Variants in ASTN1 observed in about 807,000 individuals in gnomAD.
ASTN1 encodes the protein astrotactin-1.
ASTN1 carries 41 observed loss-of-function variants against 140.7 expected under a neutral mutation model. The observed-to-expected ratio is 0.29, with a 90% confidence interval of 0.23 to 0.38. The LOEUF (loss-of-function observed/expected upper bound fraction) is 0.38. ASTN1 is among the 10% of genes least tolerant of loss of function. The pLI, the probability that ASTN1 is intolerant of heterozygous loss-of-function variation, is 1.00. For synonymous variants in ASTN1, 640 were observed against 652.2 expected, an observed-to-expected ratio of 0.98 and a Z score of 0.29; for missense variants, 1,479 against 1,678.8, an observed-to-expected ratio of 0.88 and a Z score of 2.08.
At chr1:176,965,076 A>G (rs904671108) in intron 9 of ASTN1, 87 bp downstream of exon 9, 68 of 1,297,718 alleles carry the variant, frequency 5.2e-5, no homozygotes, top group Non-Finnish European at 7.0e-5. Flanking sequence ...CCTATTTTAT[A>G]CTTTACCAAC....
At chr1:176,874,645 T>C (rs1246046229) in intron 21 of ASTN1, among the ~76,000 whole-genome samples, 1 of 152,204 alleles carries the variant, frequency 6.6e-6, no homozygotes, top group Non-Finnish European at 1.5e-5. Context: ...GACTTCCTAG[T>C]AGACAGCAAG....
chr1:177,012,348 G>A (rs72720707), intron 8 of ASTN1, among the ~76,000 whole-genome samples: 9,519 of 152,146 alleles, frequency 0.063, 401 homozygotes, highest in Non-Finnish European at 0.082. Context: ...TTTGTCTGGC[G>A]CTTTTTTAAT....
At chr1:177,078,824 ATAACT>A (rs1679045393) in intron 1 of ASTN1, among the ~76,000 whole-genome samples, 1 of 152,188 alleles carries the variant, frequency 6.6e-6, no homozygotes, top group South Asian at 2.1e-4. Context: ...GCCCACTCAC[ATAACT>A]TAACAGTCAG....
chr1:176,880,992 T>C (rs903800445), intron 20 of ASTN1, among the ~76,000 whole-genome samples: 1 of 152,230 alleles, frequency 6.6e-6, no homozygotes, highest in Non-Finnish European at 1.5e-5. Flanking sequence ...AAAGTTTCAG[T>C]GTCTTGCTTA....
chr1:177,112,856 A>G (rs865949484), intron 1 of ASTN1, among the ~76,000 whole-genome samples: 17 of 151,976 alleles, frequency 1.1e-4, no homozygotes, highest in African/African-American at 3.9e-4. Flanking sequence ...TCTTCTCATT[A>G]ATTTTTTCCC....
At chr1:177,105,820 T>A (rs182498013) in intron 1 of ASTN1, among the ~76,000 whole-genome samples, 1 of 152,278 alleles carries the variant, frequency 6.6e-6, no homozygotes, top group Admixed American at 6.5e-5. Flanking sequence ...TCATGTCCAT[T>A]TCACTGTAAA....
chr1:177,054,409 A>G (rs1199407301), intron 2 of ASTN1, among the ~76,000 whole-genome samples: 1 of 152,116 alleles, frequency 6.6e-6, no homozygotes, highest in African/African-American at 2.4e-5. Flanking sequence ...CATCTCTATA[A>G]GTTAGGTCTT....
At chr1:176,882,799 C>A (rs16850299) in intron 20 of ASTN1, 60 bp downstream of exon 20, 2 of 1,599,436 alleles carry the variant, frequency 1.3e-6, no homozygotes, top group Non-Finnish European at 8.6e-7. Flanking sequence ...AAGAAGAAAC[C>A]GGTAAGAAGC....
intron 15 of ASTN1, chr1:176,935,980 C>A (rs1315159279): frequency 4.2e-6 from 2 of 473,356 alleles, no homozygotes; most frequent in Non-Finnish European, 7.8e-6. Context: ...ATCCTCTCCA[C>A]ATACTGGATG....
chr1:176,925,260 A>T (rs1670906854), intron 16 of ASTN1, among the ~76,000 whole-genome samples: 1 of 152,220 alleles, frequency 6.6e-6, no homozygotes, highest in South Asian at 2.1e-4. Context: ...CCATGGCTCC[A>T]GTGTCGAAGT....
At chr1:176,877,571 T>C (rs1369626617) in intron 20 of ASTN1, among the ~76,000 whole-genome samples, 2 of 152,182 alleles carry the variant, frequency 1.3e-5, no homozygotes, top group Non-Finnish European at 2.9e-5. Context: ...AATTTCCCCT[T>C]GGGTGATGGA....
intron 7 of ASTN1, 97 bp from the exon 8 acceptor site, chr1:177,014,972 T>C: frequency 1.1e-5 from 12 of 1,088,648 alleles, no homozygotes; most frequent in Non-Finnish European, 1.5e-5. Context: ...CAGGGTAAAC[T>C]CTTACTCTGA....
At chr1:177,087,652 C>T (rs1679543917) in intron 1 of ASTN1, among the ~76,000 whole-genome samples, 1 of 152,172 alleles carries the variant, frequency 6.6e-6, no homozygotes, top group Non-Finnish European at 1.5e-5. Flanking sequence ...CCGTAGTCTG[C>T]TAGTCCGCAA....
At chr1:177,081,292 T>C (rs1244186639) in intron 1 of ASTN1, among the ~76,000 whole-genome samples, 2 of 152,198 alleles carry the variant, frequency 1.3e-5, no homozygotes, top group African/African-American at 2.4e-5. Flanking sequence ...AAAAGTATTT[T>C]ACTTTTTATG....
intron 17 of ASTN1, among the ~76,000 whole-genome samples, chr1:176,893,532 C>T (rs923504176): frequency 3.9e-5 from 6 of 152,206 alleles, no homozygotes; most frequent in Non-Finnish European, 7.3e-5. Context: ...ATATCTGTGG[C>T]TGAGGCAGGT....
intron 1 of ASTN1, among the ~76,000 whole-genome samples, chr1:177,111,793 A>C (rs1182487462): frequency 6.6e-6 from 1 of 152,118 alleles, no homozygotes; most frequent in Non-Finnish European, 1.5e-5. Context: ...ACAGCAGGAG[A>C]AAGCAGCCCC....
chr1:176,884,320 T>C lies in ASTN1; in HGVS notation c.3226+19A>G, dbSNP rs898122560. On this transcript the variant is annotated intron_variant, in intron 19 of 22. Coordinates refer to ENST00000361833, the MANE Select transcript of ASTN1 (RefSeq NM_004319.3). The stretch of plus-strand genomic sequence containing the variant: ...ATCACCTTGGATCAAGACAAGCCCA[T>C]GAAGTAGAAGGTGCTCACCTGTCTC... 4.4e-6 allele frequency: 7 copies of C among 1,608,102 alleles called. No individual in the cohort carries two copies. The highest frequency in any genetic ancestry group is 6.0e-6 in the Non-Finnish European group (7 of 1,174,986).
intron 2 of ASTN1, among the ~76,000 whole-genome samples, chr1:177,044,955 G>A (rs918187129): frequency 6.6e-6 from 1 of 152,162 alleles, no homozygotes; most frequent in African/African-American, 2.4e-5. Flanking sequence ...GAGAAAAACA[G>A]GGGAGGGAGA....
chr1:176,947,084 C>A (rs1178817609), intron 12 of ASTN1, among the ~76,000 whole-genome samples: 1 of 152,158 alleles, frequency 6.6e-6, no homozygotes, highest in African/African-American at 2.4e-5. Flanking sequence ...TGTAGAGGAA[C>A]AAGGAATAAT....
Sources: allele counts gnomAD v4.1 joint callset (sites outside exome capture counted in the v4.1 genomes callset), GRCh38; gene constraint gnomAD v4.1.1; transcripts MANE v1.5; gene names NCBI Gene and HGNC (gene_info 2026-07-23, HGNC 2026-07-21).